NRG1: variants seen among roughly 807,000 people sequenced by gnomAD.
NRG1 encodes the protein pro-neuregulin-1, membrane-bound isoform.
A neutral mutation model predicts 63.8 loss-of-function variants in NRG1; 18 were observed. The observed-to-expected ratio is 0.28, with a 90% confidence interval of 0.19 to 0.42. The LOEUF (loss-of-function observed/expected upper bound fraction) is 0.42. NRG1 is among the 10% of genes least tolerant of loss of function. The pLI is 1.00. For synonymous variants in NRG1, 302 were observed against 301.3 expected (o/e 1.00, Z -0.02); for missense variants, 762 against 814.7 (o/e 0.94, Z 0.79).
intron 1 of NRG1, among the ~76,000 whole-genome samples, chr8:32,539,519 T>C (rs1178253447): frequency 6.6e-6 from 1 of 152,130 alleles, no homozygotes; most frequent in African/African-American, 2.4e-5. Context: ...TGAAGGATGA[T>C]GCCTAGTTTC....
chr8:31,906,956 C>T (rs1441104448), intron 1 of NRG1, among the ~76,000 whole-genome samples: 3 of 152,078 alleles, frequency 2.0e-5, no homozygotes, highest in African/African-American at 4.8e-5. Flanking sequence ...GAAAAGAATG[C>T]TGCTCTTTAG....
chr8:32,583,207 TTAA>T (rs1840995626), intron 1 of NRG1, among the ~76,000 whole-genome samples: 1 of 152,204 alleles, frequency 6.6e-6, no homozygotes, highest in African/African-American at 2.4e-5. Context: ...GTTAATAATA[TTAA>T]TTTTTAAAAT....
At chr8:31,820,309 G>T (rs190611290) in intron 1 of NRG1, among the ~76,000 whole-genome samples, 2 of 152,106 alleles carry the variant, frequency 1.3e-5, no homozygotes, top group Non-Finnish European at 2.9e-5. Flanking sequence ...GGGCACATCT[G>T]CCCTTCCTCC....
At chr8:32,275,592 T>C (rs1309030675) in intron 1 of NRG1, among the ~76,000 whole-genome samples, 1 of 152,000 alleles carries the variant, frequency 6.6e-6, no homozygotes, top group Non-Finnish European at 1.5e-5. Flanking sequence ...GCAGGTTGAG[T>C]GTCCACAAGA....
intron 1 of NRG1, among the ~76,000 whole-genome samples, chr8:32,267,321 G>A (rs1851084212): frequency 6.6e-6 from 1 of 152,156 alleles, no homozygotes; most frequent in Non-Finnish European, 1.5e-5. Context: ...GTGCGAGCAA[G>A]GCCAAAAATC....
At chr8:32,075,288 T>C (rs926174956) in intron 1 of NRG1, among the ~76,000 whole-genome samples, 1 of 69,218 alleles carries the variant, frequency 1.4e-5, no homozygotes, top group Non-Finnish European at 2.9e-5. Context: ...AAGGAAGTTA[T>C]TAAGAATCAT....
chr8:31,703,615 G>C (rs1431019273), intron 1 of NRG1, among the ~76,000 whole-genome samples: 1 of 152,170 alleles, frequency 6.6e-6, no homozygotes, highest in East Asian at 1.9e-4. Flanking sequence ...GCACATAGTT[G>C]ATGACCTTAT....
chr8:32,122,114 T>A (rs1833525825), intron 1 of NRG1, among the ~76,000 whole-genome samples: 1 of 152,044 alleles, frequency 6.6e-6, no homozygotes, highest in South Asian at 2.1e-4. Context: ...TTAAGAGTTC[T>A]TCTTAGTACT....
intron 1 of NRG1, among the ~76,000 whole-genome samples, chr8:32,425,933 C>T (rs920279110): frequency 2.6e-5 from 4 of 152,092 alleles, no homozygotes; most frequent in African/African-American, 7.2e-5. Flanking sequence ...AACAGTTTCT[C>T]GGGCTGGGTT....
Position 32,284,434 on chromosome 8 carries a change from G to A in NRG1, c.38-311394G>A, listed in dbSNP as rs932895375. ...CTCTATTGAAATAGTCCTGAACAAA[G>A]TCTTCCTTGCCATTTTCACACGTGC... On this transcript the variant is annotated intron_variant, in intron 1 of 10. Coordinates refer to the NRG1 transcript ENST00000519301. Among the ~76,000 whole-genome samples, 3 of 151,834 alleles carry A rather than the reference G, an allele frequency of 2.0e-5. No homozygotes were observed. In the South Asian group the frequency reaches 6.3e-4, roughly 32 times the overall value.
chr8:32,751,786 T>C (rs894575370), intron 7 of NRG1, among the ~76,000 whole-genome samples: 2 of 152,188 alleles, frequency 1.3e-5, no homozygotes, highest in Admixed American at 6.5e-5. Context: ...GGAAAATGTG[T>C]GTCTTCCTAC....
At chr8:31,645,882 G>A (rs1255266156) in intron 1 of NRG1, among the ~76,000 whole-genome samples, 1 of 152,174 alleles carries the variant, frequency 6.6e-6, no homozygotes, top group Non-Finnish European at 1.5e-5. Context: ...TCAGACTTCT[G>A]TGTTTTTTCT....
chr8:32,192,734 T>C (rs923415349), intron 1 of NRG1, among the ~76,000 whole-genome samples: 2 of 152,044 alleles, frequency 1.3e-5, no homozygotes, highest in African/African-American at 2.4e-5. Context: ...GAATCTAGAA[T>C]TAAACTTGAA....
At chr8:31,813,527 T>TTTTTC in intron 1 of NRG1, among the ~76,000 whole-genome samples, 1 of 139,810 alleles carries the variant, frequency 7.2e-6, no homozygotes. Flanking sequence ...TTTTTTTTTT[T>TTTTTC]TTTTTTGTTT....
intron 1 of NRG1, among the ~76,000 whole-genome samples, chr8:32,088,383 A>G (rs1251606700): frequency 6.6e-6 from 1 of 152,222 alleles, no homozygotes; most frequent in Admixed American, 6.5e-5. Flanking sequence ...AACATTGTGG[A>G]AAGTAAGCTT....
intron 1 of NRG1, among the ~76,000 whole-genome samples, chr8:32,261,640 G>A (rs761935599): frequency 3.3e-5 from 5 of 152,018 alleles, no homozygotes; most frequent in Non-Finnish European, 7.4e-5. Context: ...AATCTCTAGG[G>A]AGTGAGGACC....
intron 1 of NRG1, among the ~76,000 whole-genome samples, chr8:32,350,355 C>G (rs549067139): frequency 1.3e-4 from 20 of 152,292 alleles, no homozygotes; most frequent in African/African-American, 4.8e-4. Context: ...GCCACAAATG[C>G]TTTCTCTATA....
chr8:32,043,244 A>T (rs1299144300), intron 1 of NRG1, among the ~76,000 whole-genome samples: 2 of 152,120 alleles, frequency 1.3e-5, no homozygotes, highest in Non-Finnish European at 2.9e-5. Context: ...ATAACTTCAA[A>T]TTTCTTGTCA....
chr8:31,873,911 C>T (rs952391891), intron 1 of NRG1, among the ~76,000 whole-genome samples: 1 of 151,968 alleles, frequency 6.6e-6, no homozygotes, highest in Non-Finnish European at 1.5e-5. Context: ...CAATAAAAGT[C>T]TTGCTCTCTT....
Sources: allele counts gnomAD v4.1 joint callset (sites outside exome capture counted in the v4.1 genomes callset), GRCh38; gene constraint gnomAD v4.1.1; transcripts MANE v1.5; gene names NCBI Gene and HGNC (gene_info 2026-07-23, HGNC 2026-07-21).